SHC3: variants seen among roughly 807,000 people sequenced by gnomAD.
The protein encoded by SHC3 is SHC-transforming protein 3.
Under a neutral mutation model 60.4 loss-of-function variants are expected in SHC3, and 15 were observed. The observed-to-expected ratio is 0.25, with a 90% CI of 0.17 to 0.38. SHC3 has a LOEUF of 0.38. Among genes scored for constraint, SHC3 ranks in the 10% least tolerant of loss-of-function variants. The pLI, the probability that SHC3 is intolerant of heterozygous loss-of-function variation, is 1.00. For missense variants in SHC3, 677 were observed against 786.1 expected (o/e 0.86, Z 1.66); for synonymous variants, 294 against 325.9 (o/e 0.90, Z 1.05).
intron 1 of SHC3, among the ~76,000 whole-genome samples, chr9:89,114,943 G>A (rs761001077): frequency 5.3e-5 from 8 of 152,070 alleles, no homozygotes; most frequent in African/African-American, 9.7e-5. Flanking sequence ...TGAATGCCAC[G>A]TTCAACATGA....
intron 1 of SHC3, among the ~76,000 whole-genome samples, chr9:89,169,155 A>T (rs1018403922): frequency 6.6e-6 from 1 of 152,172 alleles, no homozygotes; most frequent in African/African-American, 2.4e-5. Context: ...TATTAAAAAC[A>T]ACTTGGGAGA....
At chr9:89,114,444 A>C (rs1825993943) in intron 1 of SHC3, among the ~76,000 whole-genome samples, 1 of 152,162 alleles carries the variant, frequency 6.6e-6, no homozygotes, top group Non-Finnish European at 1.5e-5. Context: ...AGAAAAAAAA[A>C]CAATAAAAGT....
chr9:89,144,758 T>C (rs1826442859), intron 1 of SHC3, among the ~76,000 whole-genome samples: 1 of 152,208 alleles, frequency 6.6e-6, no homozygotes, highest in Non-Finnish European at 1.5e-5. Context: ...TAAGTATTTA[T>C]TGCTTTGGTA....
intron 2 of SHC3, among the ~76,000 whole-genome samples, chr9:89,094,587 T>C (rs1825672675): frequency 6.6e-6 from 1 of 152,210 alleles, no homozygotes; most frequent in East Asian, 1.9e-4. Context: ...TTGCACATAT[T>C]AATCTTTTAA....
chr9:89,100,807 T>C (rs1161114041), intron 2 of SHC3, among the ~76,000 whole-genome samples: 1 of 152,222 alleles, frequency 6.6e-6, no homozygotes, highest in Non-Finnish European at 1.5e-5. Context: ...TTGTTGTACA[T>C]ATTACCTGTT....
At chr9:89,094,925 T>TAAC (rs1461269951) in intron 2 of SHC3, among the ~76,000 whole-genome samples, 2 of 151,842 alleles carry the variant, frequency 1.3e-5, no homozygotes, top group East Asian at 1.9e-4. Context: ...GAATGGTCAC[T>TAAC]AACAACAACA....
chr9:89,096,596 A>G (rs1174265788), intron 2 of SHC3, among the ~76,000 whole-genome samples: 1 of 152,188 alleles, frequency 6.6e-6, no homozygotes, highest in East Asian at 1.9e-4. Context: ...CTTTTTGTAC[A>G]TTTCTTTGTT....
intron 2 of SHC3, among the ~76,000 whole-genome samples, chr9:89,098,206 A>C (rs548360489): frequency 6.6e-6 from 1 of 152,362 alleles, no homozygotes; most frequent in East Asian, 1.9e-4. Context: ...AAGAAAGACA[A>C]AGAAAGGCTA....
At chr9:89,059,834 C>G (rs1161282031) in intron 6 of SHC3, among the ~76,000 whole-genome samples, 5 of 45,550 alleles carry the variant, frequency 1.1e-4, no homozygotes, top group African/African-American at 1.9e-4. Flanking sequence ...TGGAGGATGT[C>G]ATATAGGATG....
At chr9:89,169,411 C>CCT (rs1193653017) in intron 1 of SHC3, among the ~76,000 whole-genome samples, 1 of 152,194 alleles carries the variant, frequency 6.6e-6, no homozygotes, top group African/African-American at 2.4e-5. Flanking sequence ...ACTTATTAGT[C>CCT]AAGAACATGG....
At position 89,012,886 on chromosome 9, in the gene SHC3, C is replaced by G. The variant is rs765035583; in HGVS notation, c.*561G>C. 1.3e-5 allele frequency: 2 copies of G among 152,252 alleles called. No individual in the cohort carries two copies. Among genetic ancestry groups the G allele is most frequent in the Non-Finnish European group, 2.9e-5 (2 of 68,202 alleles). The allele number at this position is 152,252 out of a possible 1,614,324, so 9.4% of individuals were successfully genotyped here. On this transcript the variant is annotated 3_prime_UTR_variant, in exon 12 of 12. Transcript: ENST00000375835. ...GCAGTGCAGGGAGCACAGGAGGTGT[C>G]CCAGGGAGGCCAAGGGAGGATGCCC...
At chr9:89,121,132 T>A (rs929377909) in intron 1 of SHC3, among the ~76,000 whole-genome samples, 11 of 152,192 alleles carry the variant, frequency 7.2e-5, no homozygotes, top group Non-Finnish European at 2.9e-5. Context: ...AAAGCTTATA[T>A]GACTGCTGTC....
At chr9:89,085,463 G>A (rs1436223963) in intron 2 of SHC3, among the ~76,000 whole-genome samples, 11 of 152,224 alleles carry the variant, frequency 7.2e-5, no homozygotes, top group Admixed American at 7.2e-4. Flanking sequence ...CCAGATCCCT[G>A]AGGCAGTGAA....
intron 1 of SHC3, among the ~76,000 whole-genome samples, chr9:89,174,280 A>G (rs1033458769): frequency 1.3e-5 from 2 of 152,242 alleles, no homozygotes; most frequent in African/African-American, 4.8e-5. Flanking sequence ...AATGGGAGTA[A>G]TAAAATAATT....
At chr9:89,163,487 C>A (rs1007483018) in intron 1 of SHC3, among the ~76,000 whole-genome samples, 1 of 148,576 alleles carries the variant, frequency 6.7e-6, no homozygotes. Context: ...AGTAAACTAT[C>A]GCAAGAACAA....
At chr9:89,166,078 G>A (rs1052918207) in intron 1 of SHC3, among the ~76,000 whole-genome samples, 7 of 152,080 alleles carry the variant, frequency 4.6e-5, no homozygotes, top group African/African-American at 1.4e-4. Flanking sequence ...CCACGCAGGC[G>A]CACTCTGCTT....
chr9:89,154,315 C>G (rs749901832), intron 1 of SHC3, among the ~76,000 whole-genome samples: 3 of 151,998 alleles, frequency 2.0e-5, no homozygotes, highest in Admixed American at 6.5e-5. Context: ...CACTGGACAC[C>G]CCGATTTAGA....
At chr9:89,125,644 G>A (rs181442130) in intron 1 of SHC3, among the ~76,000 whole-genome samples, 42 of 152,246 alleles carry the variant, frequency 2.8e-4, no homozygotes, top group African/African-American at 9.9e-4. Context: ...TGATAAAACA[G>A]GTTGCAGTAA....
At chr9:89,127,908 C>T (rs1161435139) in intron 1 of SHC3, among the ~76,000 whole-genome samples, 1 of 151,984 alleles carries the variant, frequency 6.6e-6, no homozygotes, top group African/African-American at 2.4e-5. Flanking sequence ...CCAGCTGTGC[C>T]TGCTTATTAG....
Sources: allele counts gnomAD v4.1 joint callset (sites outside exome capture counted in the v4.1 genomes callset), GRCh38; gene constraint gnomAD v4.1.1; transcripts MANE v1.5; gene names NCBI Gene and HGNC (gene_info 2026-07-23, HGNC 2026-07-21).